Variants in KCTD8 observed in about 807,000 individuals in gnomAD.
The protein encoded by KCTD8 is BTB/POZ domain-containing protein KCTD8.
A neutral mutation model predicts 31.5 loss-of-function variants in KCTD8; 27 were observed. The observed-to-expected ratio is 0.86, with a 90% CI of 0.63 to 1.18. The LOEUF is 1.18. Ranked by LOEUF, KCTD8 falls within the 50% of genes most tolerant of loss-of-function variation. The pLI, the probability that KCTD8 is intolerant of heterozygous loss-of-function variation, is 0.00. For synonymous variants in KCTD8, 290 were observed against 280.0 expected, an observed-to-expected ratio of 1.04 and a Z score of -0.36; for missense variants, 658 against 647.7, an observed-to-expected ratio of 1.02 and a Z score of -0.17.
At position 44,298,192 on chromosome 4, in the gene KCTD8, C is replaced by T. The variant is rs191152205; in HGVS notation, c.962-122942G>A. ...CTAGGACTAAAGTTTATCTTTTTCT[C>T]TCTGTGCTCAGATAAGGATTTACAG... is the stretch of plus-strand genomic sequence containing the variant. On this transcript the variant is annotated intron_variant, in intron 1 of 1. Coordinates refer to ENST00000360029, the MANE Select transcript of KCTD8 (RefSeq NM_198353.3). 1.8e-4 allele frequency among the ~76,000 whole-genome samples: 28 copies of T among 152,252 alleles called. 1 individual carries two copies. Among genetic ancestry groups the T allele is most frequent in the Admixed American group, 1.8e-3 (27 of 15,294 alleles).
chr4:44,197,680 C>T (rs1560392335), intron 1 of KCTD8, among the ~76,000 whole-genome samples: 1 of 152,120 alleles, frequency 6.6e-6, no homozygotes, highest in African/African-American at 2.4e-5. Context: ...TAAAATTACA[C>T]CACGGTAAAA....
chr4:44,345,744 T>C (rs1157884033), intron 1 of KCTD8, among the ~76,000 whole-genome samples: 2 of 152,190 alleles, frequency 1.3e-5, no homozygotes, highest in Non-Finnish European at 2.9e-5. Flanking sequence ...GCTTGTTTGT[T>C]TGGAATCAAA....
At chr4:44,286,684 T>A (rs948870619) in intron 1 of KCTD8, among the ~76,000 whole-genome samples, 3 of 152,284 alleles carry the variant, frequency 2.0e-5, no homozygotes, top group South Asian at 2.1e-4. Context: ...GCCACTGGGA[T>A]AAGGAACCTA....
At chr4:44,252,630 T>C (rs919323090) in intron 1 of KCTD8, among the ~76,000 whole-genome samples, 1 of 151,814 alleles carries the variant, frequency 6.6e-6, no homozygotes, top group African/African-American at 2.4e-5. Flanking sequence ...TATTTTTTAC[T>C]GTAAAAATTT....
At position 44,417,432 on chromosome 4, in the gene KCTD8, T is replaced by C. The variant is rs16856900; in HGVS notation, c.961+30131A>G. Among the ~76,000 whole-genome samples the C allele has an allele frequency of 9.0e-3, 1,369 of 152,156 alleles. 21 individuals are homozygous for C. Among genetic ancestry groups the C allele is most frequent in the African/African-American group, 0.032 (1,319 of 41,516 alleles). On this transcript the variant is annotated intron_variant, in intron 1 of 1. Transcript: ENST00000360029. ...AGAATCTTTGAAGACGATTTTGAAA[T>C]AATAATAATACCATCCACTCTAGTA...
At chr4:44,217,515 C>T (rs768702550) in intron 1 of KCTD8, among the ~76,000 whole-genome samples, 4 of 152,124 alleles carry the variant, frequency 2.6e-5, no homozygotes, top group Admixed American at 6.5e-5. Flanking sequence ...GATTGAAGGA[C>T]GCCTAGATAG....
In KCTD8 at chr4:44,325,957, G is replaced by C. The variant is rs552523050; in HGVS notation, c.961+121606C>G. ...GTTAAGAAAAAATTTAAACTTAATG[G>C]AGAAGTTCTTGAGACAGACTTTCTG... On this transcript the variant is annotated intron_variant, in intron 1 of 1. Coordinates refer to ENST00000360029, the MANE Select transcript of KCTD8 (RefSeq NM_198353.3). Among the ~76,000 whole-genome samples, 231 of 152,032 alleles carry C rather than the reference G, an allele frequency of 1.5e-3. 8 individuals are homozygous for C. The highest frequency in any genetic ancestry group is 5.3e-3 in the African/African-American group (221 of 41,428).
At chr4:44,367,129 C>G (rs1004619611) in intron 1 of KCTD8, among the ~76,000 whole-genome samples, 1 of 152,046 alleles carries the variant, frequency 6.6e-6, no homozygotes, top group Non-Finnish European at 1.5e-5. Context: ...TTCCTTCTTC[C>G]TCTTCCACTT....
chr4:44,202,882 TTTAG>T (rs1714191812), intron 1 of KCTD8, among the ~76,000 whole-genome samples: 2 of 152,192 alleles, frequency 1.3e-5, no homozygotes, highest in South Asian at 2.1e-4. Flanking sequence ...GAAAATTTTC[TTTAG>T]TTAGAGCAGT....
chr4:44,317,228 C>CTTTTTTTTTTTTTTT lies in KCTD8; in HGVS notation c.961+130320_961+130334dup. Among the ~76,000 whole-genome samples the CTTTTTTTTTTTTTTT allele has an allele frequency of 7.6e-3, 277 of 36,534 alleles. 54 individuals are homozygous for CTTTTTTTTTTTTTTT. Among genetic ancestry groups the CTTTTTTTTTTTTTTT allele is most frequent in the Non-Finnish European group, 8.2e-3 (174 of 21,198 alleles). The allele number at this position is 36,534 out of a possible 152,430, so 24.0% of individuals were successfully genotyped here. A position where few individuals can be genotyped will look rare whatever the true frequency, so the allele number is the denominator to read the frequency against. On this transcript the variant is annotated intron_variant, in intron 1 of 1. Coordinates refer to ENST00000360029, the MANE Select transcript of KCTD8 (RefSeq NM_198353.3). The stretch of plus-strand genomic sequence containing the variant: ...TTTATGTATTGCCTATGGGTGCTTT[C>CTTTTTTTTTTTTTTT]TTTTTTTTTTTTTTTTTTTTTTGAG...
intron 1 of KCTD8, among the ~76,000 whole-genome samples, chr4:44,260,518 T>C (rs1228993300): frequency 1.3e-5 from 2 of 151,900 alleles, no homozygotes; most frequent in Non-Finnish European, 2.9e-5. Context: ...GAGATATCAC[T>C]TAAGATAGGG....
intron 1 of KCTD8, among the ~76,000 whole-genome samples, chr4:44,411,776 G>C (rs1466005505): frequency 6.6e-6 from 1 of 152,010 alleles, no homozygotes; most frequent in Non-Finnish European, 1.5e-5. Flanking sequence ...AACAGAGGCA[G>C]GGATCGGAGT....
chr4:44,286,398 T>G (rs1246125972), intron 1 of KCTD8, among the ~76,000 whole-genome samples: 1 of 152,148 alleles, frequency 6.6e-6, no homozygotes, highest in Non-Finnish European at 1.5e-5. Flanking sequence ...AGAAAAACGC[T>G]GGAGTACTGT....
intron 1 of KCTD8, among the ~76,000 whole-genome samples, chr4:44,224,245 C>T (rs1714885152): frequency 6.6e-6 from 1 of 152,162 alleles, no homozygotes; most frequent in African/African-American, 2.4e-5. Flanking sequence ...CAAAAGCCTC[C>T]ATTATATGAC....
intron 1 of KCTD8, among the ~76,000 whole-genome samples, chr4:44,246,272 T>A (rs1715661633): frequency 6.6e-6 from 1 of 152,022 alleles, no homozygotes; most frequent in African/African-American, 2.4e-5. Context: ...TTAAAATGAA[T>A]TGAAGTCATT....
At chr4:44,233,791 C>CT (rs1560401528) in intron 1 of KCTD8, among the ~76,000 whole-genome samples, 1 of 152,018 alleles carries the variant, frequency 6.6e-6, no homozygotes, top group African/African-American at 2.4e-5. Flanking sequence ...ATTTTAACTG[C>CT]TTTTTCCTAA....
intron 1 of KCTD8, among the ~76,000 whole-genome samples, chr4:44,294,090 A>G (rs1442997793): frequency 6.6e-6 from 1 of 152,214 alleles, no homozygotes; most frequent in Non-Finnish European, 1.5e-5. Flanking sequence ...CAATAACAAA[A>G]GTATAAGTGA....
chr4:44,186,033 C>T (rs908619064), intron 1 of KCTD8, among the ~76,000 whole-genome samples: 1 of 152,160 alleles, frequency 6.6e-6, no homozygotes, highest in African/African-American at 2.4e-5. Context: ...CCCCTGTTTT[C>T]GTAGCCAAAT....
At chr4:44,203,609 A>C (rs1271395847) in intron 1 of KCTD8, among the ~76,000 whole-genome samples, 1 of 151,786 alleles carries the variant, frequency 6.6e-6, no homozygotes, top group Admixed American at 6.6e-5. Context: ...ATAGGAGCTT[A>C]ATATGAAAGA....
Sources: allele counts gnomAD v4.1 joint callset (sites outside exome capture counted in the v4.1 genomes callset), GRCh38; gene constraint gnomAD v4.1.1; transcripts MANE v1.5; gene names NCBI Gene and HGNC (gene_info 2026-07-23, HGNC 2026-07-21).